RBFOX1: variants seen among roughly 807,000 people sequenced by gnomAD.
The protein encoded by RBFOX1 is RNA binding protein fox-1 homolog 1.
In RBFOX1, 8 loss-of-function variants were observed where a neutral mutation model predicts 57.7. The ratio of observed to expected loss-of-function variants is 0.14; its 90% CI spans 0.08 to 0.25. The LOEUF is 0.25. RBFOX1 is among the 10% of genes least tolerant of loss of function. The pLI, the probability that RBFOX1 is intolerant of heterozygous loss-of-function variation, is 1.00. For missense variants in RBFOX1, 611 were observed against 548.5 expected (o/e 1.11, Z -1.14); for synonymous variants, 326 against 222.4 (o/e 1.47, Z -4.15).
intron 1 of RBFOX1, among the ~76,000 whole-genome samples, chr16:6,240,654 C>G (rs866641248): frequency 6.6e-6 from 1 of 151,556 alleles, no homozygotes; most frequent in African/African-American, 2.4e-5. Flanking sequence ...ACAATTATCA[C>G]TGACTTCATT....
chr16:7,365,020 C>A (rs901834353), intron 4 of RBFOX1, among the ~76,000 whole-genome samples: 3 of 152,150 alleles, frequency 2.0e-5, no homozygotes, highest in Non-Finnish European at 4.4e-5. Context: ...GTCTGTCTAT[C>A]CATCCGTCCG....
intron 4 of RBFOX1, among the ~76,000 whole-genome samples, chr16:5,903,911 G>C (rs2058375108): frequency 6.6e-6 from 1 of 152,146 alleles, no homozygotes; most frequent in Admixed American, 6.5e-5. Context: ...GGCTTCCTCT[G>C]TCTTTGCTGA....
At chr16:5,327,957 G>A (rs967418896) in intron 1 of RBFOX1, among the ~76,000 whole-genome samples, 1 of 152,090 alleles carries the variant, frequency 6.6e-6, no homozygotes, top group Non-Finnish European at 1.5e-5. Context: ...TTATTTCTAC[G>A]AGTGAGGAGA....
Position 5,751,041 on chromosome 16 carries a change from C to T in RBFOX1, c.319-116262C>T, listed in dbSNP as rs11863879. On this transcript the variant is annotated intron_variant, in intron 3 of 19. Transcript: ENST00000641259. Reference sequence around the variant, plus strand: ...ATTTTTAGTAGAGAGGTGGGTTTCACCATGTTGACTGGGCTGGTCTCAAAC... The same window carrying T: ...ATTTTTAGTAGAGAGGTGGGTTTCATCATGTTGACTGGGCTGGTCTCAAAC... Among the ~76,000 whole-genome samples the T allele has an allele frequency of 5.7e-3, 871 of 152,296 alleles. 8 individuals carry two copies. Among genetic ancestry groups the T allele is most frequent in the African/African-American group, 0.02 (819 of 41,558 alleles).
intron 1 of RBFOX1, among the ~76,000 whole-genome samples, chr16:6,309,822 A>G (rs1292746442): frequency 6.6e-6 from 1 of 152,240 alleles, no homozygotes; most frequent in African/African-American, 2.4e-5. Flanking sequence ...AATGCAGCAG[A>G]AACACTAATT....
intron 1 of RBFOX1, among the ~76,000 whole-genome samples, chr16:6,079,340 C>T (rs912628969): frequency 6.6e-6 from 1 of 151,992 alleles, no homozygotes; most frequent in Admixed American, 6.6e-5. Context: ...GAGATAGGGT[C>T]TTGCTCTGTT....
intron 5 of RBFOX1, among the ~76,000 whole-genome samples, chr16:7,533,620 C>G (rs551599015): frequency 8.2e-4 from 125 of 152,304 alleles, no homozygotes; most frequent in African/African-American, 1.8e-3. Flanking sequence ...TCATCTAACA[C>G]AAAGCCTCTT....
intron 10 of RBFOX1, among the ~76,000 whole-genome samples, chr16:7,613,762 A>G (rs1057438732): frequency 6.6e-6 from 1 of 152,010 alleles, no homozygotes; most frequent in Non-Finnish European, 1.5e-5. Flanking sequence ...CCGTTAAGAG[A>G]ATGACTTTTA....
intron 4 of RBFOX1, among the ~76,000 whole-genome samples, chr16:7,269,917 A>C (rs1291090465): frequency 6.6e-6 from 1 of 152,210 alleles, no homozygotes; most frequent in Non-Finnish European, 1.5e-5. Flanking sequence ...CATTACCAAC[A>C]TTATTTGGTA....
chr16:7,709,422 A>G (rs914302490), intron 15 of RBFOX1: 13 of 1,318,390 alleles, frequency 9.9e-6, no homozygotes, highest in Non-Finnish European at 1.3e-5. Context: ...ATCCATCACT[A>G]ACAGAATGCA....
chr16:6,766,157 AAAAG>A (rs890881873), intron 3 of RBFOX1, among the ~76,000 whole-genome samples: 1 of 152,154 alleles, frequency 6.6e-6, no homozygotes, highest in African/African-American at 2.4e-5. Context: ...AAAAAGAAAA[AAAAG>A]CAAAATTTTA....
chr16:7,691,857 G>A (rs1275928007), intron 14 of RBFOX1, among the ~76,000 whole-genome samples: 2 of 152,098 alleles, frequency 1.3e-5, no homozygotes, highest in African/African-American at 4.8e-5. Flanking sequence ...AGACCTTGCC[G>A]CTTTGGATAA....
chr16:7,197,558 G>A (rs1449557621), intron 4 of RBFOX1, among the ~76,000 whole-genome samples: 2 of 151,034 alleles, frequency 1.3e-5, no homozygotes, highest in East Asian at 3.9e-4. Context: ...ACATTACCAA[G>A]CAATTCCACT....
At chr16:7,519,374 G>A (rs998913636) in intron 5 of RBFOX1, among the ~76,000 whole-genome samples, 14 of 152,120 alleles carry the variant, frequency 9.2e-5, no homozygotes, top group African/African-American at 3.4e-4. Context: ...ATGAATAAGG[G>A]AACTGTCCTG....
At chr16:7,567,423 ATGTATGG>A (rs2152736733) in intron 5 of RBFOX1, among the ~76,000 whole-genome samples, 3 of 136,950 alleles carry the variant, frequency 2.2e-5, no homozygotes, top group Non-Finnish European at 4.6e-5. Flanking sequence ...ATATATCCCT[ATGTATGG>A]CCCTATATAT....
chr16:5,349,495 G>C (rs1364354302), intron 1 of RBFOX1, among the ~76,000 whole-genome samples: 1 of 152,018 alleles, frequency 6.6e-6, no homozygotes, highest in Non-Finnish European at 1.5e-5. Context: ...CCAACATGGC[G>C]ATCCTATCTC....
chr16:6,095,998 C>T (rs1253761126), intron 1 of RBFOX1, among the ~76,000 whole-genome samples: 2 of 152,204 alleles, frequency 1.3e-5, no homozygotes, highest in East Asian at 1.9e-4. Flanking sequence ...GCCTGGCCTG[C>T]CCCAAAGGTG....
chr16:6,332,620 C>T (rs1473175179), intron 2 of RBFOX1, among the ~76,000 whole-genome samples: 1 of 152,154 alleles, frequency 6.6e-6, no homozygotes, highest in Non-Finnish European at 1.5e-5. Context: ...CACACACATG[C>T]ACACACATAC....
At chr16:6,577,197 C>G (rs879629467) in intron 2 of RBFOX1, 2 of 152,156 alleles carry the variant, frequency 1.3e-5, no homozygotes, top group Non-Finnish European at 1.5e-5. Flanking sequence ...GCTCCCCACT[C>G]TTCCCTGCCA....
Sources: allele counts gnomAD v4.1 joint callset (sites outside exome capture counted in the v4.1 genomes callset), GRCh38; gene constraint gnomAD v4.1.1; transcripts MANE v1.5; gene names NCBI Gene and HGNC (gene_info 2026-07-23, HGNC 2026-07-21).